The following RNF13 variants were observed in gnomAD, a reference collection of about 807,000 sequenced individuals.
The protein encoded by RNF13 is ring finger protein 13, also known as E3 ubiquitin-protein ligase RNF13.
Under a neutral mutation model 37.7 loss-of-function variants are expected in RNF13, and 19 were observed. The observed-to-expected ratio is 0.50, with a 90% CI of 0.35 to 0.74. RNF13 has a LOEUF of 0.74. RNF13 is among the 30% of genes least tolerant of loss of function. The pLI is 0.01. For synonymous variants in RNF13, 144 were observed against 157.8 expected, an observed-to-expected ratio of 0.91 and a Z score of 0.65; for missense variants, 375 against 453.0, an observed-to-expected ratio of 0.83 and a Z score of 1.56.
At position 149,860,388 on chromosome 3, in the gene RNF13, A is replaced by G. The variant is rs554191249; in HGVS notation, c.195+7792A>G. Among the ~76,000 whole-genome samples, 28 of 151,294 alleles carry G rather than the reference A, an allele frequency of 1.9e-4. No individual in the cohort carries two copies. In the East Asian group the frequency reaches 4.3e-3, roughly 23 times the overall value. ...ACATACATATAACAAGGCTGTAAGAACCAAAACAGTATGGTACTGATATAA... is the reference window on the plus strand; with the variant it reads ...ACATACATATAACAAGGCTGTAAGAGCCAAAACAGTATGGTACTGATATAA... On this transcript the variant is annotated intron_variant, in intron 3 of 9. Transcript: ENST00000392894.
chr3:149,874,825 C>G (rs1459228937), intron 4 of RNF13, among the ~76,000 whole-genome samples: 1 of 152,090 alleles, frequency 6.6e-6, no homozygotes, highest in Non-Finnish European at 1.5e-5. Flanking sequence ...GGGAAAACAA[C>G]TGGAATCGCA....
intron 3 of RNF13, among the ~76,000 whole-genome samples, chr3:149,864,848 T>G (rs1357364116): frequency 6.6e-6 from 1 of 152,206 alleles, no homozygotes; most frequent in East Asian, 1.9e-4. Flanking sequence ...AAAAAAGAAA[T>G]TATTGATCAT....
chr3:149,875,339 C>T (rs1401341608), intron 4 of RNF13, among the ~76,000 whole-genome samples: 1 of 152,048 alleles, frequency 6.6e-6, no homozygotes, highest in Admixed American at 6.6e-5. Flanking sequence ...AAAAATTTAT[C>T]GAGTTATTCC....
At chr3:149,842,151 T>G (rs1362698509) in intron 1 of RNF13, among the ~76,000 whole-genome samples, 1 of 152,208 alleles carries the variant, frequency 6.6e-6, no homozygotes, top group Non-Finnish European at 1.5e-5. Flanking sequence ...TGATTTTCAC[T>G]TTTACATTAA....
chr3:149,827,282 G>A (rs1720598960), intron 1 of RNF13, among the ~76,000 whole-genome samples: 1 of 152,178 alleles, frequency 6.6e-6, no homozygotes, highest in Admixed American at 6.5e-5. Context: ...AGAAGGAGGT[G>A]CGTAGGTTAT....
At chr3:149,881,407 T>A (rs996328770) in intron 4 of RNF13, among the ~76,000 whole-genome samples, 2 of 152,196 alleles carry the variant, frequency 1.3e-5, no homozygotes, top group African/African-American at 4.8e-5. Context: ...CGCAGCTCAC[T>A]GCAACCTCCA....
chr3:149,916,146 C>CT (rs1717485595), intron 7 of RNF13, among the ~76,000 whole-genome samples: 1 of 151,484 alleles, frequency 6.6e-6, no homozygotes, highest in Admixed American at 6.6e-5. Flanking sequence ...TAGAGGATGC[C>CT]TATAAAATCA....
chr3:149,875,687 G>C (rs1712598406), intron 4 of RNF13, among the ~76,000 whole-genome samples: 1 of 152,092 alleles, frequency 6.6e-6, no homozygotes, highest in African/African-American at 2.4e-5. Flanking sequence ...AGGAGATGCA[G>C]CAAAACCCAT....
intron 8 of RNF13, among the ~76,000 whole-genome samples, chr3:149,942,565 A>G (rs760299477): frequency 3.3e-5 from 5 of 152,060 alleles, no homozygotes; most frequent in South Asian, 2.1e-4. Flanking sequence ...TAGAAATGCA[A>G]TTTTTGAATT....
intron 8 of RNF13, among the ~76,000 whole-genome samples, chr3:149,958,214 ATAGGT>A (rs1334787590): frequency 1.5e-4 from 23 of 152,200 alleles, no homozygotes; most frequent in African/African-American, 5.3e-4. Flanking sequence ...TATATTATCT[ATAGGT>A]TAGAAGTTTG....
chr3:149,889,297 G>T (rs962831808), intron 4 of RNF13, among the ~76,000 whole-genome samples: 9 of 146,266 alleles, frequency 6.2e-5, no homozygotes, highest in Non-Finnish European at 1.2e-4. Flanking sequence ...GTGTGCGTGT[G>T]TGTGTGTGTG....
At chr3:149,867,748 T>C (rs1404597427) in intron 3 of RNF13, among the ~76,000 whole-genome samples, 4 of 151,888 alleles carry the variant, frequency 2.6e-5, no homozygotes, top group Admixed American at 6.6e-5. Context: ...AGCCATTCTG[T>C]GCCTTTTAAT....
intron 3 of RNF13, among the ~76,000 whole-genome samples, chr3:149,871,072 C>T (rs1283383255): frequency 7.8e-6 from 1 of 128,306 alleles, no homozygotes; most frequent in Non-Finnish European, 1.6e-5. Context: ...GACGGAGTTT[C>T]GCTCTATCGC....
chr3:149,829,052 A>C (rs1360355481), intron 1 of RNF13, among the ~76,000 whole-genome samples: 1 of 152,198 alleles, frequency 6.6e-6, no homozygotes, highest in Non-Finnish European at 1.5e-5. Flanking sequence ...TTTGGGATTG[A>C]GAACAATTGG....
At chr3:149,843,661 G>T (rs1722377755) in intron 1 of RNF13, among the ~76,000 whole-genome samples, 1 of 152,228 alleles carries the variant, frequency 6.6e-6, no homozygotes, top group African/African-American at 2.4e-5. Context: ...ACATGTGTAG[G>T]CAAGAAGCTG....
At chr3:149,906,015 C>A (rs559850534) in intron 6 of RNF13, among the ~76,000 whole-genome samples, 1 of 152,300 alleles carries the variant, frequency 6.6e-6, no homozygotes, top group South Asian at 2.1e-4. Context: ...CACTCCAGCC[C>A]CAGGCAATCA....
At chr3:149,821,849 A>C (rs1183548504) in intron 1 of RNF13, among the ~76,000 whole-genome samples, 1 of 152,106 alleles carries the variant, frequency 6.6e-6, no homozygotes, top group African/African-American at 2.4e-5. Context: ...ATAAATTCCA[A>C]CTTCATTGTC....
At chr3:149,915,397 T>G (rs1024480734) in intron 7 of RNF13, among the ~76,000 whole-genome samples, 3 of 152,186 alleles carry the variant, frequency 2.0e-5, no homozygotes, top group Non-Finnish European at 4.4e-5. Context: ...GACAATCCCT[T>G]GAGCACTGTT....
At chr3:149,845,371 CT>C (rs1467073881) in intron 1 of RNF13, among the ~76,000 whole-genome samples, 3 of 152,056 alleles carry the variant, frequency 2.0e-5, no homozygotes, top group Non-Finnish European at 4.4e-5. Context: ...TTCACGGTAT[CT>C]TTTTGCTAAA....
Sources: gnomAD v4.1 joint callset for allele counts (sites outside exome capture counted in the v4.1 genomes callset) on GRCh38, gnomAD v4.1.1 for gene constraint, MANE v1.5 for transcripts, NCBI Gene and HGNC (gene_info 2026-07-23, HGNC 2026-07-21) for gene names.